Variants in RICTOR observed in about 807,000 individuals in gnomAD.
RICTOR encodes the protein RPTOR independent companion of MTOR complex 2.
RICTOR carries 49 observed loss-of-function variants against 214.9 expected under a neutral mutation model. The observed-to-expected ratio is 0.23, with a 90% CI of 0.18 to 0.29. RICTOR has a LOEUF of 0.29. RICTOR is among the 10% of genes least tolerant of loss of function. The pLI, the probability that RICTOR is intolerant of heterozygous loss-of-function variation, is 1.00. For missense variants in RICTOR, 1,625 were observed against 2,047.0 expected, an observed-to-expected ratio of 0.79 and a Z score of 3.98; for synonymous variants, 717 against 711.3, an observed-to-expected ratio of 1.01 and a Z score of -0.13.
intron 10 of RICTOR, among the ~76,000 whole-genome samples, chr5:38,972,557 A>G (rs1233502831): frequency 1.3e-5 from 2 of 152,206 alleles, no homozygotes; most frequent in African/African-American, 4.8e-5. Flanking sequence ...TAATAACAAG[A>G]AATCAAAATA....
intron 2 of RICTOR, among the ~76,000 whole-genome samples, chr5:39,041,405 ATATCT>A (rs762051982): frequency 2.6e-5 from 4 of 152,186 alleles, no homozygotes; most frequent in African/African-American, 4.8e-5. Context: ...AAAAGTTAAC[ATATCT>A]TATATCTTTG....
intron 8 of RICTOR, among the ~76,000 whole-genome samples, chr5:38,980,563 G>C (rs998495330): frequency 1.3e-5 from 2 of 152,262 alleles, no homozygotes; most frequent in South Asian, 4.1e-4. Context: ...AAACTCAGCT[G>C]GCTGGGCATA....
chr5:38,962,231 A>C (rs1263370125), intron 19 of RICTOR, 84 bp downstream of exon 19: 1 of 565,024 alleles, frequency 1.8e-6, no homozygotes, highest in African/African-American at 2.0e-5. Flanking sequence ...ATGTCTTTAA[A>C]ATTATTACAT....
chr5:39,038,814 A>C (rs1254370446), intron 2 of RICTOR, among the ~76,000 whole-genome samples: 1 of 152,148 alleles, frequency 6.6e-6, no homozygotes, highest in Non-Finnish European at 1.5e-5. Flanking sequence ...ATGAAATAAA[A>C]GAGGATACAA....
At chr5:39,072,669 A>G (rs1759403522) in intron 2 of RICTOR, among the ~76,000 whole-genome samples, 1 of 152,234 alleles carries the variant, frequency 6.6e-6, no homozygotes, top group Admixed American at 6.5e-5. Flanking sequence ...TGTGTGTTAT[A>G]GTCAAGTTTC....
chr5:38,990,727 C>CATATCTG (rs1554068108), intron 7 of RICTOR, among the ~76,000 whole-genome samples: 6 of 2,874 alleles, frequency 2.1e-3, no homozygotes, highest in African/African-American at 2.1e-3. Flanking sequence ...TGATATATAT[C>CATATCTG]ATATATATGA....
At chr5:38,982,283 CT>C (rs1182328868) in intron 7 of RICTOR, among the ~76,000 whole-genome samples, 2 of 152,044 alleles carry the variant, frequency 1.3e-5, no homozygotes, top group African/African-American at 2.4e-5. Context: ...AACGGAATGG[CT>C]TTTTTTCCTA....
chr5:38,947,527 C>T, intron 31 of RICTOR, 86 bp from the exon 32 acceptor site: 1 of 954,388 alleles, frequency 1.0e-6, no homozygotes, highest in Non-Finnish European at 1.6e-6. Flanking sequence ...TTCCTACCTT[C>T]ATAAAAGACA....
chr5:38,955,876 C>G (rs1403506083), intron 25 of RICTOR, among the ~76,000 whole-genome samples, 172 bp from the exon 26 acceptor site: 1 of 151,856 alleles, frequency 6.6e-6, no homozygotes, highest in African/African-American at 2.4e-5. Flanking sequence ...TACTAATGAC[C>G]CCCATATCTG....
At chr5:38,944,832 A>G in intron 35 of RICTOR, 81 bp downstream of exon 35, 1 of 1,320,510 alleles carries the variant, frequency 7.6e-7, no homozygotes. Flanking sequence ...TTTAATTTAC[A>G]GTATTTACGA....
At chr5:39,058,788 A>T (rs1758355213) in intron 2 of RICTOR, among the ~76,000 whole-genome samples, 1 of 152,128 alleles carries the variant, frequency 6.6e-6, no homozygotes, top group South Asian at 2.1e-4. Context: ...CATCCCAGAA[A>T]CATAATTAGG....
In RICTOR at chr5:38,962,501, A is replaced by G. The variant is rs1749880394; in HGVS notation, c.1652T>C (p.Ile551Thr). 3.2e-6 allele frequency: 5 copies of G among 1,559,470 alleles called. No homozygotes were observed. The highest frequency in any genetic ancestry group is 3.4e-4 in the Middle Eastern group (2 of 5,922). ...KENLEWNWNL[I>T]GTILKWPNVN... ...TTTTCATACCTTAAGAATGGTCCCTATAAGATTCCAATTCCATTCAAGATT... is the reference window on the plus strand; with the variant it reads ...TTTTCATACCTTAAGAATGGTCCCTGTAAGATTCCAATTCCATTCAAGATT... The change falls in exon 18 of 38, where the codon ATA becomes ACA. Residue 551 changes from isoleucine to threonine, a missense_variant. Transcript: ENST00000357387.
At chr5:39,003,091 T>C (rs1309657318) in intron 4 of RICTOR, among the ~76,000 whole-genome samples, 2 of 152,240 alleles carry the variant, frequency 1.3e-5, no homozygotes, top group East Asian at 3.9e-4. Context: ...AATAATAATT[T>C]ATGCCAATAG....
chr5:38,967,887 TC>T, intron 12 of RICTOR, 55 bp downstream of exon 12: 1 of 854,982 alleles, frequency 1.2e-6, no homozygotes, highest in South Asian at 1.5e-5. Flanking sequence ...AGGAACTGTC[TC>T]CATTAAATAA....
intron 10 of RICTOR, among the ~76,000 whole-genome samples, chr5:38,973,744 T>A (rs1387913629): frequency 6.6e-6 from 1 of 152,124 alleles, no homozygotes; most frequent in Non-Finnish European, 1.5e-5. Flanking sequence ...GTTTGAGAAA[T>A]TACAGATAAG....
At chr5:39,059,743 C>T (rs537430804) in intron 2 of RICTOR, among the ~76,000 whole-genome samples, 28 of 152,020 alleles carry the variant, frequency 1.8e-4, no homozygotes, top group Non-Finnish European at 3.8e-4. Flanking sequence ...GATTTTTTTT[C>T]CAGCTCACAT....
At chr5:39,002,061 C>T (rs1753665787) in intron 5 of RICTOR, among the ~76,000 whole-genome samples, 1 of 150,802 alleles carries the variant, frequency 6.6e-6, no homozygotes, top group Admixed American at 6.6e-5. Flanking sequence ...TCTACAAGAA[C>T]ATTCAGGGCA....
intron 11 of RICTOR, among the ~76,000 whole-genome samples, chr5:38,969,313 A>T (rs973882813): frequency 2.6e-5 from 4 of 152,100 alleles, no homozygotes; most frequent in African/African-American, 9.7e-5. Flanking sequence ...AAGTAAAAAA[A>T]TTTAAAAACA....
chr5:38,939,204 A>T lies in RICTOR; in HGVS notation c.*3100T>A, dbSNP rs1317543127. ...TATATAAATAGCAGTAGGAAAATGT[A>T]AATAAGCATTGATATCCCACTGCTG... On this transcript the variant is annotated 3_prime_UTR_variant, in exon 38 of 38. Coordinates refer to ENST00000357387, the MANE Select transcript of RICTOR (RefSeq NM_152756.5). The T allele has an allele frequency of 8.6e-6, 2 of 232,952 alleles. No homozygotes were observed. The highest frequency in any genetic ancestry group is 1.7e-5 in the Non-Finnish European group (2 of 117,692). 14.4% of individuals were successfully genotyped at this position (232,952 alleles called of 1,614,324 possible).
Sources: gnomAD v4.1 joint callset for allele counts (sites outside exome capture counted in the v4.1 genomes callset) on GRCh38, gnomAD v4.1.1 for gene constraint, MANE v1.5 for transcripts, NCBI Gene and HGNC (gene_info 2026-07-23, HGNC 2026-07-21) for gene names.